PDK1: variants seen among roughly 807,000 people sequenced by gnomAD.
PDK1 encodes pyruvate dehydrogenase kinase 1.
Under a neutral mutation model 54.2 loss-of-function variants are expected in PDK1, and 39 were observed. The observed-to-expected ratio is 0.72, with a 90% CI of 0.56 to 0.94. The LOEUF (loss-of-function observed/expected upper bound fraction) is 0.94, where lower values mean the gene tolerates loss of function less well. Ranked by LOEUF, PDK1 falls within the 40% of genes least tolerant of loss-of-function variation. PDK1 has a pLI of 0.00. For synonymous variants in PDK1, 221 were observed against 207.1 expected, an observed-to-expected ratio of 1.07 and a Z score of -0.58; for missense variants, 552 against 566.0, an observed-to-expected ratio of 0.98 and a Z score of 0.25.
intron 8 of PDK1, among the ~76,000 whole-genome samples, chr2:172,575,331 T>C (rs1224024597): frequency 6.6e-6 from 1 of 152,222 alleles, no homozygotes; most frequent in South Asian, 2.1e-4. Context: ...ACTGGCCTTA[T>C]AGAATGAGTA....
At chr2:172,631,940 T>A in the PDK1 span, among the ~76,000 whole-genome samples, 1 of 152,208 alleles carries the variant, frequency 6.6e-6, no homozygotes, top group African/African-American at 2.4e-5. Context: ...ACTTTAATTT[T>A]TCTATATAAA....
chr2:172,640,194 A>G, the PDK1 span, among the ~76,000 whole-genome samples: 20 of 152,314 alleles, frequency 1.3e-4, no homozygotes, highest in African/African-American at 4.6e-4. Context: ...TTTCCCCTTG[A>G]CAAGGGATAG....
At chr2:172,688,211 AGTAG>A in the PDK1 span, among the ~76,000 whole-genome samples, 1 of 152,296 alleles carries the variant, frequency 6.6e-6, no homozygotes, top group Non-Finnish European at 1.5e-5. Flanking sequence ...CTAATCCTTC[AGTAG>A]GCTGTTGCAG....
the PDK1 span, among the ~76,000 whole-genome samples, chr2:172,616,236 A>C: frequency 1.2e-4 from 18 of 152,344 alleles, no homozygotes; most frequent in African/African-American, 3.4e-4. Context: ...TTGTGACCTA[A>C]AACTCTACCC....
At chr2:172,634,244 T>G in the PDK1 span, among the ~76,000 whole-genome samples, 4 of 146,082 alleles carry the variant, frequency 2.7e-5, no homozygotes, top group East Asian at 8.0e-4. Context: ...TGTTAGAAGA[T>G]ATAGATGAAA....
the PDK1 span, among the ~76,000 whole-genome samples, chr2:172,718,310 T>A: frequency 6.6e-6 from 1 of 152,190 alleles, no homozygotes; most frequent in Non-Finnish European, 1.5e-5. Flanking sequence ...CCCTTTAGCA[T>A]CCTAAACTGG....
chr2:172,686,495 G>A, the PDK1 span, among the ~76,000 whole-genome samples: 1 of 152,060 alleles, frequency 6.6e-6, no homozygotes, highest in Non-Finnish European at 1.5e-5. Flanking sequence ...ACCAATCAGT[G>A]CTCTGTAAAA....
the PDK1 span, among the ~76,000 whole-genome samples, chr2:172,682,673 C>A: frequency 1.3e-5 from 2 of 152,210 alleles, no homozygotes; most frequent in African/African-American, 4.8e-5. Context: ...CAGACTGTTA[C>A]ATAAGAAAGG....
At chr2:172,619,680 AG>A in the PDK1 span, among the ~76,000 whole-genome samples, 1 of 152,258 alleles carries the variant, frequency 6.6e-6, no homozygotes, top group African/African-American at 2.4e-5. Flanking sequence ...ATTACACCCA[AG>A]GATATTGACA....
chr2:172,610,456 C>T (rs1180325968), downstream of PDK1, among the ~76,000 whole-genome samples: 1 of 152,068 alleles, frequency 6.6e-6, no homozygotes, highest in Non-Finnish European at 1.5e-5. Flanking sequence ...TTTTGAAACA[C>T]CGCATCTTTT....
intron 8 of PDK1, among the ~76,000 whole-genome samples, chr2:172,582,936 C>A (rs1305188948): frequency 6.6e-6 from 1 of 152,184 alleles, no homozygotes; most frequent in Non-Finnish European, 1.5e-5. Flanking sequence ...TCCCATGCAG[C>A]CTGAGGCTGG....
At chr2:172,650,196 A>G in the PDK1 span, among the ~76,000 whole-genome samples, 24 of 152,236 alleles carry the variant, frequency 1.6e-4, no homozygotes, top group Admixed American at 1.6e-3. Flanking sequence ...ACATTCTTAA[A>G]GAAAAGAATT....
the PDK1 span, among the ~76,000 whole-genome samples, chr2:172,671,210 A>G: frequency 4.6e-5 from 7 of 151,310 alleles, no homozygotes; most frequent in African/African-American, 1.7e-4. Flanking sequence ...GTTTTGCGTC[A>G]TCCTAGTCTT....
intron 9 of PDK1, among the ~76,000 whole-genome samples, chr2:172,590,292 T>C (rs1690494926): frequency 6.6e-6 from 1 of 152,194 alleles, no homozygotes; most frequent in South Asian, 2.1e-4. Context: ...ATATCCGGAA[T>C]TGGTTTCTTC....
At chr2:172,628,411 A>G in the PDK1 span, among the ~76,000 whole-genome samples, 1 of 152,142 alleles carries the variant, frequency 6.6e-6, no homozygotes, top group Non-Finnish European at 1.5e-5. Context: ...CTTTTCCTTT[A>G]TGGTGTAAAA....
the PDK1 span, among the ~76,000 whole-genome samples, chr2:172,620,578 T>C: frequency 4.6e-5 from 7 of 152,192 alleles, no homozygotes; most frequent in Non-Finnish European, 8.8e-5. Flanking sequence ...AAATCTCATG[T>C]TGAATTATAA....
chr2:172,646,793 A>C, the PDK1 span, among the ~76,000 whole-genome samples: 3 of 126,814 alleles, frequency 2.4e-5, no homozygotes, highest in Admixed American at 2.9e-4. Flanking sequence ...GCTGGAGTGC[A>C]ATGGCACGAT....
chr2:172,667,525 T>C, the PDK1 span, among the ~76,000 whole-genome samples: 1 of 152,186 alleles, frequency 6.6e-6, no homozygotes, highest in Non-Finnish European at 1.5e-5. Flanking sequence ...CTCTGGAAAT[T>C]AGCTAACCCT....
chr2:172,586,329 AACT>A lies in PDK1; in HGVS notation c.1000_1002del (p.Tyr334del), dbSNP rs1401868308. ...TTTGAGGAAAATTGACAGACTTTTC[AACT>A]ACATGTATTCAACTGCACCAAGACC... On this transcript the variant is annotated inframe_deletion, in exon 9 of 11. Coordinates refer to ENST00000282077, the MANE Select transcript of PDK1 (RefSeq NM_002610.5). 6.2e-7 allele frequency: 1 copy of A among 1,613,508 alleles called. No individual in the cohort carries two copies. Among genetic ancestry groups the A allele is most frequent in the South Asian group, 1.1e-5 (1 of 91,070 alleles).
Sources: gnomAD v4.1 joint callset for allele counts (sites outside exome capture counted in the v4.1 genomes callset) on GRCh38, gnomAD v4.1.1 for gene constraint, MANE v1.5 for transcripts, NCBI Gene and HGNC (gene_info 2026-07-23, HGNC 2026-07-21) for gene names.